Variants in MTMR12 observed in about 807,000 individuals in gnomAD.
The protein encoded by MTMR12 is myotubularin-related protein 12.
A neutral mutation model predicts 96.7 loss-of-function variants in MTMR12; 33 were observed. The ratio of observed to expected loss-of-function variants is 0.34; its 90% CI spans 0.26 to 0.46. The LOEUF (loss-of-function observed/expected upper bound fraction) is 0.46, where lower values mean the gene tolerates loss of function less well. Ranked by LOEUF, MTMR12 falls within the 20% of genes least tolerant of loss-of-function variation. The pLI is 1.00. For missense variants in MTMR12, 721 were observed against 896.1 expected (o/e 0.80, Z 2.49); for synonymous variants, 298 against 327.2 (o/e 0.91, Z 0.96).
chr5:32,294,359 G>A (rs1318391676), intron 1 of MTMR12, among the ~76,000 whole-genome samples: 1 of 151,456 alleles, frequency 6.6e-6, no homozygotes, highest in Non-Finnish European at 1.5e-5. Context: ...CAGGAGTTCA[G>A]TGGCACAATC....
chr5:32,245,420 TCAAAACTCTTG>T (rs1684818467), intron 10 of MTMR12, among the ~76,000 whole-genome samples: 3 of 152,216 alleles, frequency 2.0e-5, no homozygotes, highest in Admixed American at 2.0e-4. Context: ...TGAGTTCCCA[TCAAAACTCTTG>T]CAAAATTGCC....
chr5:32,271,991 G>C, intron 3 of MTMR12, 86 bp from the exon 4 acceptor site: 5 of 808,520 alleles, frequency 6.2e-6, no homozygotes, highest in Non-Finnish European at 9.3e-6. Context: ...TCTCTACTTG[G>C]ATATTAAGAA....
At chr5:32,235,269 C>G in intron 13 of MTMR12, 140 bp from the exon 14 acceptor site, 1 of 679,820 alleles carries the variant, frequency 1.5e-6, no homozygotes, top group South Asian at 2.7e-5. Flanking sequence ...ATACTCCATA[C>G]CATCCCAAGT....
intron 1 of MTMR12, among the ~76,000 whole-genome samples, chr5:32,311,343 G>A (rs890027256): frequency 1.3e-5 from 2 of 152,154 alleles, no homozygotes; most frequent in African/African-American, 2.4e-5. Context: ...CAGAGGAAAT[G>A]GTTTGTATTT....
intron 1 of MTMR12, among the ~76,000 whole-genome samples, chr5:32,288,949 G>T (rs1750646407): frequency 6.6e-6 from 1 of 152,314 alleles, no homozygotes; most frequent in Admixed American, 6.5e-5. Flanking sequence ...AAACAGATTT[G>T]TGAGGGCAGC....
intron 6 of MTMR12, among the ~76,000 whole-genome samples, chr5:32,266,242 T>G (rs1215721880): frequency 6.6e-6 from 1 of 152,206 alleles, no homozygotes; most frequent in Non-Finnish European, 1.5e-5. Flanking sequence ...TTACGCTTCT[T>G]GAGGGCAAGG....
Position 32,263,124 on chromosome 5 carries a change from T to C in MTMR12, c.702A>G (p.Lys234=), listed in dbSNP as rs1194653394. 1 of 1,614,078 alleles carries C rather than the reference T, an allele frequency of 6.2e-7. No individual in the cohort carries two copies. Among genetic ancestry groups the C allele is most frequent in the Non-Finnish European group, 8.5e-7 (1 of 1,180,034 alleles). ...YKAVSVNEGY[K]VCERLPAYFV... ...CATGGAAAGCTTACCTCTCACAGAC[T>C]TTATAGCCTTCGTTGACACTCACTG... The change falls in exon 7 of 16, where the codon AAA becomes AAG. Residue 234 remains lysine, a synonymous_variant. Transcript: ENST00000382142.
intron 7 of MTMR12, among the ~76,000 whole-genome samples, chr5:32,258,377 C>T (rs548739646): frequency 8.6e-4 from 131 of 152,318 alleles, no homozygotes; most frequent in Non-Finnish European, 1.4e-3. Flanking sequence ...AACCTCTCCG[C>T]AGATCAACTG....
In MTMR12 at chr5:32,227,542, A is replaced by G. The variant is rs1048786569; in HGVS notation, c.*2236T>C. 6.5e-6 allele frequency: 1 copy of G among 152,684 alleles called. No homozygotes were observed. Among genetic ancestry groups the G allele is most frequent in the East Asian group, 1.9e-4 (1 of 5,206 alleles). 9.5% of individuals were successfully genotyped at this position (152,684 alleles called of 1,614,324 possible). On this transcript the variant is annotated 3_prime_UTR_variant, in exon 16 of 16. Coordinates refer to ENST00000382142, the MANE Select transcript of MTMR12 (RefSeq NM_001040446.3). ...GGCCATGACCTTGTGCCTTTAAACCATACTTTGTAGAGTGTAAAGCATCAC... is the reference window on the plus strand; with the variant it reads ...GGCCATGACCTTGTGCCTTTAAACCGTACTTTGTAGAGTGTAAAGCATCAC...
intron 1 of MTMR12, among the ~76,000 whole-genome samples, chr5:32,301,712 G>A (rs911774575): frequency 7.2e-5 from 11 of 152,078 alleles, no homozygotes; most frequent in African/African-American, 1.9e-4. Context: ...CCAACATGGC[G>A]AAACCCTGTC....
At chr5:32,304,421 T>C (rs897031931) in intron 1 of MTMR12, among the ~76,000 whole-genome samples, 1 of 152,202 alleles carries the variant, frequency 6.6e-6, no homozygotes, top group Non-Finnish European at 1.5e-5. Context: ...TTGGTTAAGG[T>C]ACCATCATTG....
At chr5:32,306,401 T>C (rs980017928) in intron 1 of MTMR12, among the ~76,000 whole-genome samples, 2 of 152,202 alleles carry the variant, frequency 1.3e-5, no homozygotes, top group African/African-American at 4.8e-5. Context: ...ATTATTCATT[T>C]TCATTTTGTA....
At chr5:32,244,731 T>C (rs750748747) in intron 10 of MTMR12, among the ~76,000 whole-genome samples, 13 of 152,370 alleles carry the variant, frequency 8.5e-5, no homozygotes, top group Non-Finnish European at 1.8e-4. Flanking sequence ...TTAGTTTGAG[T>C]TAAGAGTCAT....
At chr5:32,296,015 C>T (rs1247449842) in intron 1 of MTMR12, among the ~76,000 whole-genome samples, 6 of 151,940 alleles carry the variant, frequency 3.9e-5, no homozygotes, top group Non-Finnish European at 5.9e-5. Flanking sequence ...AAAAGTTAGC[C>T]GGGCATGGTG....
At chr5:32,295,574 C>T (rs747823670) in intron 1 of MTMR12, among the ~76,000 whole-genome samples, 28 of 152,206 alleles carry the variant, frequency 1.8e-4, no homozygotes, top group Non-Finnish European at 3.7e-4. Flanking sequence ...CTCAACAGAG[C>T]ATTTCAGACT....
chr5:32,237,513 T>G (rs1748285483), intron 13 of MTMR12, among the ~76,000 whole-genome samples: 1 of 136,106 alleles, frequency 7.3e-6, no homozygotes, highest in Admixed American at 7.3e-5. Flanking sequence ...CCCTGTGCTT[T>G]CTTCTTTTTT....
rs1749797477 is a variant in MTMR12 at position 32,270,738 on chromosome 5, A to G, written c.489+79T>C. 6.8e-6 allele frequency: 10 copies of G among 1,477,526 alleles called. No individual in the cohort carries two copies. In the South Asian group the frequency reaches 1.2e-4, roughly 18 times the overall value. The allele number at this position is 1,477,526 out of a possible 1,614,324, so 91.5% of individuals were successfully genotyped here. A position where few individuals can be genotyped will look rare whatever the true frequency, so the allele number is the denominator to read the frequency against. On this transcript the variant is annotated intron_variant, in intron 5 of 15. Transcript: ENST00000382142. ...GAGTGAAAGCCTCCCCTCAACCTTC[A>G]TGCAACGTAAGCAAAAACTAGAGCT...
chr5:32,262,969 T>G, intron 7 of MTMR12, 144 bp downstream of exon 7: 2 of 991,236 alleles, frequency 2.0e-6, no homozygotes, highest in East Asian at 2.6e-5. Flanking sequence ...TGACAGCCAA[T>G]GGGTATGGAG....
chr5:32,265,392 C>T (rs934343488), intron 6 of MTMR12, among the ~76,000 whole-genome samples: 1 of 152,278 alleles, frequency 6.6e-6, no homozygotes, highest in Non-Finnish European at 1.5e-5. Context: ...TTTTGGCATG[C>T]TAATCCACAT....
Sources: allele counts gnomAD v4.1 joint callset (sites outside exome capture counted in the v4.1 genomes callset), GRCh38; gene constraint gnomAD v4.1.1; transcripts MANE v1.5; gene names NCBI Gene and HGNC (gene_info 2026-07-23, HGNC 2026-07-21).